Variants in NKAIN3 observed in about 807,000 individuals in gnomAD.
NKAIN3 encodes sodium/potassium transporting ATPase interacting 3.
Under a neutral mutation model 30.2 loss-of-function variants are expected in NKAIN3, and 25 were observed. The observed-to-expected ratio is 0.83, with a 90% CI of 0.60 to 1.16. The LOEUF is 1.16. NKAIN3 is among the 50% of genes most tolerant of loss of function. NKAIN3 has a pLI of 0.00. For missense variants in NKAIN3, 225 were observed against 254.1 expected, an observed-to-expected ratio of 0.89 and a Z score of 0.78; for synonymous variants, 91 against 89.6, an observed-to-expected ratio of 1.02 and a Z score of -0.09.
At position 62,968,823 on chromosome 8, in the gene NKAIN3, G is replaced by A. The variant is rs947409029; in HGVS notation, c.*3416G>A. ...CACCGCAGGAAGCTGGGATGCTTTC[G>A]AGCTTACTTTTTCTTTATTTGAGCT... On this transcript the variant is annotated 3_prime_UTR_variant, in exon 7 of 7. Coordinates refer to ENST00000623646, the MANE Select transcript of NKAIN3 (RefSeq NM_001304533.3). Among the ~76,000 whole-genome samples the A allele has an allele frequency of 1.3e-4, 20 of 148,812 alleles. No homozygotes were observed. The highest frequency in any genetic ancestry group is 2.3e-4 in the Non-Finnish European group (15 of 66,194).
intron 1 of NKAIN3, among the ~76,000 whole-genome samples, chr8:62,476,457 T>C (rs1806521352): frequency 6.6e-6 from 1 of 152,054 alleles, no homozygotes; most frequent in Non-Finnish European, 1.5e-5. Flanking sequence ...TTTTTTCATT[T>C]GTTTGTTTTG....
At chr8:62,305,000 T>C (rs780888488) in intron 1 of NKAIN3, among the ~76,000 whole-genome samples, 2 of 150,514 alleles carry the variant, frequency 1.3e-5, no homozygotes, top group Non-Finnish European at 2.9e-5. Flanking sequence ...GTCAGTCAGA[T>C]ACTGATGTGT....
chr8:62,326,588 TA>T (rs1815142591), intron 1 of NKAIN3, among the ~76,000 whole-genome samples: 1 of 151,736 alleles, frequency 6.6e-6, no homozygotes, highest in South Asian at 2.1e-4. Context: ...ATGTAGAATA[TA>T]ATGGGTATTT....
chr8:62,718,019 G>A (rs939625236), intron 3 of NKAIN3, among the ~76,000 whole-genome samples: 7 of 152,198 alleles, frequency 4.6e-5, no homozygotes, highest in African/African-American at 1.7e-4. Flanking sequence ...ATGGTGGAGG[G>A]TGAAAGGCAC....
intron 1 of NKAIN3, among the ~76,000 whole-genome samples, chr8:62,329,480 C>T (rs1815263554): frequency 6.6e-6 from 1 of 152,104 alleles, no homozygotes; most frequent in Non-Finnish European, 1.5e-5. Flanking sequence ...GTTTCTTCAG[C>T]TTACATTCCG....
chr8:62,540,071 A>G (rs560862032), intron 1 of NKAIN3, among the ~76,000 whole-genome samples: 1 of 152,324 alleles, frequency 6.6e-6, no homozygotes, highest in African/African-American at 2.4e-5. Context: ...AGTTAGATAC[A>G]TCAACATAAT....
chr8:62,264,512 C>G (rs2129390620), intron 1 of NKAIN3, among the ~76,000 whole-genome samples: 1 of 152,268 alleles, frequency 6.6e-6, no homozygotes, highest in South Asian at 2.1e-4. Flanking sequence ...TACTCCTTCC[C>G]CACTTGGTTC....
At position 62,486,921 on chromosome 8, in the gene NKAIN3, T is replaced by C. The variant is rs182130714; in HGVS notation, c.55-92618T>C. Reference sequence around the variant, plus strand: ...GTGTTCTTGCTGCTGTTTAGATATCTGATGGCCCAACGAAGTGGAAGCAAG... The same window carrying C: ...GTGTTCTTGCTGCTGTTTAGATATCCGATGGCCCAACGAAGTGGAAGCAAG... On this transcript the variant is annotated intron_variant, in intron 1 of 6. Coordinates refer to ENST00000623646, the MANE Select transcript of NKAIN3 (RefSeq NM_001304533.3). Among the ~76,000 whole-genome samples the C allele has an allele frequency of 2.2e-4, 33 of 152,294 alleles. No individual in the cohort carries two copies. In the East Asian group the frequency reaches 5.8e-3, roughly 27 times the overall value.
chr8:62,606,840 T>C (rs1811146481), intron 3 of NKAIN3, among the ~76,000 whole-genome samples: 1 of 152,208 alleles, frequency 6.6e-6, no homozygotes, highest in Non-Finnish European at 1.5e-5. Context: ...CAAGGCAGCA[T>C]AGGACATCAG....
chr8:62,610,527 T>C (rs1374425609), intron 3 of NKAIN3, among the ~76,000 whole-genome samples: 1 of 152,078 alleles, frequency 6.6e-6, no homozygotes, highest in Non-Finnish European at 1.5e-5. Context: ...CTCTGACACA[T>C]GTGCTATTGT....
chr8:62,462,930 T>G (rs1354897616), intron 1 of NKAIN3, among the ~76,000 whole-genome samples: 1 of 152,276 alleles, frequency 6.6e-6, no homozygotes, highest in African/African-American at 2.4e-5. Context: ...ATGAGTGAAC[T>G]TCTCTTCTGT....
At chr8:62,846,282 A>G (rs1473836387) in intron 4 of NKAIN3, among the ~76,000 whole-genome samples, 2 of 152,164 alleles carry the variant, frequency 1.3e-5, no homozygotes, top group African/African-American at 4.8e-5. Context: ...GTTCCCTTTT[A>G]AATAACAGAA....
intron 1 of NKAIN3, among the ~76,000 whole-genome samples, chr8:62,324,106 G>A (rs1815033352): frequency 6.6e-6 from 1 of 151,628 alleles, no homozygotes; most frequent in South Asian, 2.1e-4. Context: ...ATAAACTATG[G>A]ACTTTAATTA....
intron 1 of NKAIN3, among the ~76,000 whole-genome samples, chr8:62,490,549 T>C: frequency 6.6e-6 from 1 of 152,174 alleles, no homozygotes; most frequent in East Asian, 1.9e-4. Context: ...TTAATAGAAA[T>C]CTTCCTCAGA....
At chr8:62,593,672 A>G (rs924712761) in intron 3 of NKAIN3, among the ~76,000 whole-genome samples, 3 of 152,072 alleles carry the variant, frequency 2.0e-5, no homozygotes, top group Non-Finnish European at 2.9e-5. Context: ...ATAGCCATGA[A>G]TTTATAATTA....
At chr8:62,507,749 G>C (rs1807686815) in intron 1 of NKAIN3, among the ~76,000 whole-genome samples, 1 of 152,162 alleles carries the variant, frequency 6.6e-6, no homozygotes, top group Admixed American at 6.5e-5. Flanking sequence ...GAAATTATTA[G>C]GCAGATTAAA....
At chr8:62,582,532 T>G (rs973848885) in intron 2 of NKAIN3, among the ~76,000 whole-genome samples, 1 of 152,024 alleles carries the variant, frequency 6.6e-6, no homozygotes, top group Non-Finnish European at 1.5e-5. Flanking sequence ...AGGTCTGCTC[T>G]CAGTATGAGA....
At chr8:62,813,116 T>G (rs1336714807) in intron 4 of NKAIN3, among the ~76,000 whole-genome samples, 1 of 151,968 alleles carries the variant, frequency 6.6e-6, no homozygotes, top group Non-Finnish European at 1.5e-5. Context: ...CCTTTCCCAT[T>G]AAATGTTCTT....
intron 3 of NKAIN3, among the ~76,000 whole-genome samples, chr8:62,667,376 A>C (rs1425920365): frequency 3.6e-5 from 5 of 139,824 alleles, no homozygotes; most frequent in African/African-American, 1.4e-4. Flanking sequence ...TATATATATA[A>C]ATATATATAT....
Sources: gnomAD v4.1 joint callset for allele counts (sites outside exome capture counted in the v4.1 genomes callset) on GRCh38, gnomAD v4.1.1 for gene constraint, MANE v1.5 for transcripts, NCBI Gene and HGNC (gene_info 2026-07-23, HGNC 2026-07-21) for gene names.